TGIF1: variants seen among roughly 807,000 people sequenced by gnomAD.
TGIF1 encodes homeobox protein TGIF1.
A neutral mutation model predicts 19.3 loss-of-function variants in TGIF1; 4 were observed. The observed-to-expected ratio is 0.21, with a 90% CI of 0.10 to 0.47. The LOEUF is 0.47. TGIF1 is among the 20% of genes least tolerant of loss of function. TGIF1 has a pLI of 0.98. For synonymous variants in TGIF1, 122 were observed against 129.3 expected (o/e 0.94, Z 0.38); for missense variants, 275 against 341.4 (o/e 0.81, Z 1.53).
Position 3,451,267 on chromosome 18 carries a change from C to T in TGIF1, c.16+762C>T, listed in dbSNP as rs2082915824. 1.3e-6 allele frequency: 1 copy of T among 773,100 alleles called. No homozygotes were observed. The allele number at this position is 773,100 out of a possible 1,614,324, so 47.9% of individuals were successfully genotyped here. The stretch of plus-strand genomic sequence containing the variant: ...TTGTAAGTGCAAAGAGCAAGGCTGT[C>T]ATTGTTTCCACGAAGTGTTCTGGAA... On this transcript the variant is annotated intron_variant, in intron 1 of 2. Coordinates refer to ENST00000343820, the MANE Select transcript of TGIF1 (RefSeq NM_003244.4). The surrounding 1 kb of genome is among the most constrained non-coding windows in gnomAD (Gnocchi z 5.4).
chr18:3,456,283 G>C lies in TGIF1; in HGVS notation c.17-71G>C. ...AAAGCATGGTTACATTGAATGGTCAGCGTTAAGTGAGCTTTGCAATAGTTG... is the reference window on the plus strand; with the variant it reads ...AAAGCATGGTTACATTGAATGGTCACCGTTAAGTGAGCTTTGCAATAGTTG... On this transcript the variant is annotated intron_variant, in intron 1 of 2. Coordinates refer to ENST00000343820, the MANE Select transcript of TGIF1 (RefSeq NM_003244.4). The surrounding 1 kb of genome is among the most constrained non-coding windows in gnomAD (Gnocchi z 4.2). 1 of 1,384,018 alleles carries C rather than the reference G, an allele frequency of 7.2e-7. No individual in the cohort carries two copies. Among genetic ancestry groups the C allele is most frequent in the Non-Finnish European group, 1.0e-6 (1 of 972,034 alleles). 85.7% of individuals were successfully genotyped at this position (1,384,018 alleles called of 1,614,324 possible).
chr18:3,437,237 A>C lies in TGIF1; in HGVS notation c.-45+19022A>C, dbSNP rs558227103. Among the ~76,000 whole-genome samples the C allele has an allele frequency of 3.9e-5, 6 of 152,264 alleles. No individual in the cohort carries two copies. In the South Asian group the frequency reaches 1.2e-3, roughly 32 times the overall value. On this transcript the variant is annotated intron_variant, in intron 2 of 3. Transcript: ENST00000401449. ...TCAAGAACAATCGATAGTTGACATG[A>C]CTTCTCTGTGTGTGGAGGTGTGCGA...
chr18:3,418,635 A>G (rs1274098200), intron 2 of TGIF1: 2 of 152,368 alleles, frequency 1.3e-5, no homozygotes, highest in South Asian at 4.1e-4. Flanking sequence ...CTGCACATAC[A>G]GAACCCATGG....
chr18:3,447,340 A>AT (rs59102265), upstream of TGIF1, among the ~76,000 whole-genome samples: 274 of 45,174 alleles, frequency 6.1e-3, no homozygotes, highest in African/African-American at 0.027. Flanking sequence ...TATATACTTT[A>AT]AAAAAAAAAA....
intron 2 of TGIF1, among the ~76,000 whole-genome samples, chr18:3,430,442 A>T (rs560701076): frequency 6.6e-6 from 1 of 152,260 alleles, no homozygotes; most frequent in Non-Finnish European, 1.5e-5. Flanking sequence ...TTATATTATT[A>T]TTTTACATGT....
At chr18:3,421,607 T>C (rs1195209645) in intron 2 of TGIF1, among the ~76,000 whole-genome samples, 1 of 151,596 alleles carries the variant, frequency 6.6e-6, no homozygotes, top group Admixed American at 6.6e-5. Context: ...AGACAGGGTT[T>C]CTCCATACTG....
At position 3,451,878 on chromosome 18, in the gene TGIF1, G is replaced by T. The variant is rs1355431518; in HGVS notation, c.16+1373G>T. Reference sequence around the variant, plus strand: ...GCGGGGGGCGTCCGAGACGCCCCGTGAAAGCCGTGCCGACCCTTGGGAGGA... The same window carrying T: ...GCGGGGGGCGTCCGAGACGCCCCGTTAAAGCCGTGCCGACCCTTGGGAGGA... On this transcript the variant is annotated intron_variant, in intron 1 of 2. Transcript: ENST00000343820. The surrounding 1 kb of genome is among the most constrained non-coding windows in gnomAD (Gnocchi z 5.4). 2 of 1,439,972 alleles carry T rather than the reference G, an allele frequency of 1.4e-6. No homozygotes were observed. Among genetic ancestry groups the T allele is most frequent in the East Asian group, 5.0e-5 (2 of 39,768 alleles). 89.2% of individuals were successfully genotyped at this position (1,439,972 alleles called of 1,614,324 possible).
At position 3,459,748 on chromosome 18, in the gene TGIF1, G is replaced by C. The variant is rs1457896854; in HGVS notation, c.*1808G>C. 2 of 152,150 alleles carry C rather than the reference G, an allele frequency of 1.3e-5. No homozygotes were observed. The highest frequency in any genetic ancestry group is 2.9e-5 in the Non-Finnish European group (2 of 68,030). The allele number at this position is 152,150 out of a possible 1,614,324, so 9.4% of individuals were successfully genotyped here. On this transcript the variant is annotated 3_prime_UTR_variant, in exon 3 of 3. Transcript: ENST00000343820. ...ATATGACTCATTTAAAAGAAAAACT[G>C]TAAGTCACCTTAAATTCCCTATGTT...
intron 2 of TGIF1, among the ~76,000 whole-genome samples, chr18:3,441,152 CT>C (rs1394904031): frequency 6.6e-6 from 1 of 152,060 alleles, no homozygotes; most frequent in Non-Finnish European, 1.5e-5. Context: ...TTTTTCTTTT[CT>C]ACGGTTTGTA....
At chr18:3,421,513 G>T (rs1329800031) in intron 2 of TGIF1, among the ~76,000 whole-genome samples, 2 of 151,156 alleles carry the variant, frequency 1.3e-5, no homozygotes, top group Non-Finnish European at 2.9e-5. Context: ...CCCAGGTTCA[G>T]GTGATTCTCC....
intron 2 of TGIF1, among the ~76,000 whole-genome samples, chr18:3,429,681 G>A (rs1192217572): frequency 6.6e-6 from 1 of 152,166 alleles, no homozygotes; most frequent in African/African-American, 2.4e-5. Context: ...AAAGCATGAT[G>A]TTACAAAATC....
rs111741901 is a variant in TGIF1 at position 3,434,056 on chromosome 18, G to A, written c.-45+15841G>A. 5.6e-3 allele frequency among the ~76,000 whole-genome samples: 846 copies of A among 152,262 alleles called. 8 individuals are homozygous for A. The highest frequency in any genetic ancestry group is 0.019 in the African/African-American group (802 of 41,552). On this transcript the variant is annotated intron_variant, in intron 2 of 3. Transcript: ENST00000401449. ...AGCCTCCTTCCCTACCAGAGATCTT[G>A]TACCATCTTGCCAGTCGAAGTGAGA...
chr18:3,449,064 G>A (rs141352760), upstream of TGIF1, among the ~76,000 whole-genome samples: 93 of 152,286 alleles, frequency 6.1e-4, 3 homozygotes, highest in East Asian at 0.015. Context: ...TAGAACCAGA[G>A]GAGGGGGCAT....
At chr18:3,442,558 T>C (rs2082688829) in intron 2 of TGIF1, among the ~76,000 whole-genome samples, 1 of 151,468 alleles carries the variant, frequency 6.6e-6, no homozygotes, top group African/African-American at 2.4e-5. Context: ...AAAAAGAATA[T>C]ACAAAAAAAA....
At chr18:3,419,734 G>A (rs1360914432) in intron 2 of TGIF1, among the ~76,000 whole-genome samples, 1 of 152,190 alleles carries the variant, frequency 6.6e-6, no homozygotes, top group Non-Finnish European at 1.5e-5. Flanking sequence ...GGCTGGGCAC[G>A]GTGGCTCACG....
chr18:3,448,179 T>TC, upstream of TGIF1: 3 of 984,942 alleles, frequency 3.0e-6, no homozygotes, highest in Non-Finnish European at 3.6e-6. Context: ...ACAAAGCGTC[T>TC]CCCCAGTAAC....
In TGIF1 at chr18:3,443,936, C is replaced by CTT. The variant is rs953476419; in HGVS notation, c.-44-12403_-44-12402dup. On this transcript the variant is annotated intron_variant, in intron 2 of 3. Transcript: ENST00000401449. Reference sequence around the variant, plus strand: ...TATACAATAAATGATTGTATTCTTTCTTTTTTTTTTTTTTTTGAGACGGAG... The same window carrying CTT: ...TATACAATAAATGATTGTATTCTTTCTTTTTTTTTTTTTTTTTTGAGACGGAG... 5.5e-4 allele frequency among the ~76,000 whole-genome samples: 76 copies of CTT among 137,496 alleles called. 1 individual carries two copies. The East Asian group carries it at 0.015, about 27-fold the overall frequency. 90.2% of individuals were successfully genotyped at this position (137,496 alleles called of 152,430 possible).
intron 2 of TGIF1, among the ~76,000 whole-genome samples, chr18:3,420,628 G>T (rs2082388066): frequency 6.6e-6 from 1 of 152,094 alleles, no homozygotes; most frequent in Admixed American, 6.6e-5. Flanking sequence ...CTTTAAATAT[G>T]CAGGCACAGG....
At chr18:3,454,731 C>T (rs1568051934) in intron 1 of TGIF1, among the ~76,000 whole-genome samples, 3 of 152,130 alleles carry the variant, frequency 2.0e-5, no homozygotes, top group South Asian at 2.1e-4. Context: ...GCAGTTAAAA[C>T]TTAGGATTCT....
Sources: gnomAD v4.1 joint callset for allele counts (sites outside exome capture counted in the v4.1 genomes callset) on GRCh38, gnomAD v4.1.1 for gene constraint, Gnocchi (gnomAD v3.1) non-coding constraint, MANE v1.5 for transcripts, NCBI Gene and HGNC (gene_info 2026-07-23, HGNC 2026-07-21) for gene names.